The following TESK2 variants were observed in gnomAD, a reference collection of about 807,000 sequenced individuals.
The protein encoded by TESK2 is testis associated actin remodelling kinase 2.
In TESK2, 39 loss-of-function variants were observed where a neutral mutation model predicts 57.1. The ratio of observed to expected loss-of-function variants is 0.68; its 90% CI spans 0.53 to 0.89. The LOEUF (loss-of-function observed/expected upper bound fraction) is 0.89, where lower values mean the gene tolerates loss of function less well. Among genes scored for constraint, TESK2 ranks in the 40% least tolerant of loss-of-function variants. The pLI is 0.00. For synonymous variants in TESK2, 249 were observed against 267.9 expected, an observed-to-expected ratio of 0.93 and a Z score of 0.69; for missense variants, 646 against 732.1, an observed-to-expected ratio of 0.88 and a Z score of 1.36.
At chr1:45,368,963 C>G (rs1231055150) in intron 4 of TESK2, among the ~76,000 whole-genome samples, 1 of 151,722 alleles carries the variant, frequency 6.6e-6, no homozygotes, top group Non-Finnish European at 1.5e-5. Context: ...CCATGTTGGT[C>G]AGGCTGGTCT....
chr1:45,429,324 A>T (rs1650852068), intron 2 of TESK2, among the ~76,000 whole-genome samples: 1 of 152,016 alleles, frequency 6.6e-6, no homozygotes, highest in South Asian at 2.1e-4. Context: ...TGAACCCGAG[A>T]GGCAGAGGTT....
chr1:45,346,811 A>C (rs1333749517), intron 8 of TESK2, 32 bp from the exon 9 acceptor site: 8 of 1,599,190 alleles, frequency 5.0e-6, no homozygotes, highest in East Asian at 2.2e-5. Flanking sequence ...ATAGGTAGAC[A>C]GTTCATTAAT....
At chr1:45,393,525 G>A (rs1030825754) in intron 3 of TESK2, among the ~76,000 whole-genome samples, 5 of 151,986 alleles carry the variant, frequency 3.3e-5, no homozygotes, top group African/African-American at 1.2e-4. Context: ...GGAGGATCAC[G>A]AGGTCAAGAG....
At position 45,369,873 on chromosome 1, in the gene TESK2, A is replaced by C. The variant is rs181319038; in HGVS notation, c.394-14424T>G. Among the ~76,000 whole-genome samples, 7 of 152,152 alleles carry C rather than the reference A, an allele frequency of 4.6e-5. No individual in the cohort carries two copies. The East Asian group carries it at 1.4e-3, about 29-fold the overall frequency. On this transcript the variant is annotated intron_variant, in intron 4 of 10. Transcript: ENST00000372086. ...ATTAAAGGTGCGCACCATCACACCC[A>C]GCTAATTTTTGTATTTTTAGTAGAG... is the stretch of plus-strand genomic sequence containing the variant.
intron 3 of TESK2, among the ~76,000 whole-genome samples, chr1:45,412,251 A>G (rs968574651): frequency 4.6e-5 from 7 of 152,250 alleles, no homozygotes; most frequent in African/African-American, 1.4e-4. Context: ...AGAGACAGGG[A>G]AAATAATTCA....
At chr1:45,475,785 G>A (rs1333323023) in intron 1 of TESK2, among the ~76,000 whole-genome samples, 3 of 152,160 alleles carry the variant, frequency 2.0e-5, no homozygotes, top group Non-Finnish European at 2.9e-5. Flanking sequence ...CTAGAATAAA[G>A]CAGGCAGAAG....
intron 2 of TESK2, among the ~76,000 whole-genome samples, chr1:45,432,063 T>C (rs757635003): frequency 1.3e-5 from 2 of 151,998 alleles, no homozygotes; most frequent in Middle Eastern, 3.4e-3. Context: ...CTGGGAAACA[T>C]GGTGAAACCC....
At chr1:45,439,950 C>G (rs1444231348) in intron 2 of TESK2, among the ~76,000 whole-genome samples, 3 of 150,892 alleles carry the variant, frequency 2.0e-5, no homozygotes, top group Non-Finnish European at 4.4e-5. Context: ...AAAGCAAGCG[C>G]CCCCCCACTG....
intron 3 of TESK2, among the ~76,000 whole-genome samples, chr1:45,418,027 T>G (rs1167107849): frequency 6.6e-6 from 1 of 152,160 alleles, no homozygotes; most frequent in Non-Finnish European, 1.5e-5. Context: ...CTAGTTCAGT[T>G]CACAGTGAAG....
At chr1:45,377,899 G>A (rs954837842) in intron 4 of TESK2, among the ~76,000 whole-genome samples, 6 of 151,866 alleles carry the variant, frequency 4.0e-5, no homozygotes, top group South Asian at 2.1e-4. Flanking sequence ...GGTGGTGTGC[G>A]CCTGTAGTCC....
intron 3 of TESK2, among the ~76,000 whole-genome samples, chr1:45,393,460 C>T (rs1649227614): frequency 6.6e-6 from 1 of 152,022 alleles, no homozygotes; most frequent in Non-Finnish European, 1.5e-5. Context: ...GGAAAAAGAG[C>T]GGCCGGGCAT....
intron 3 of TESK2, among the ~76,000 whole-genome samples, chr1:45,416,113 G>A (rs1384683910): frequency 9.7e-6 from 1 of 102,760 alleles, no homozygotes; most frequent in Admixed American, 1.6e-4. Context: ...GACAAGCTCT[G>A]GCTGTATCAC....
chr1:45,347,549 C>A, intron 7 of TESK2, 60 bp downstream of exon 7: 1 of 1,489,602 alleles, frequency 6.7e-7, no homozygotes, highest in South Asian at 1.2e-5. Context: ...ATAGTGAGAC[C>A]ATCTCAAAAA....
At chr1:45,398,528 CAG>C (rs1649454629) in intron 3 of TESK2, among the ~76,000 whole-genome samples, 1 of 152,086 alleles carries the variant, frequency 6.6e-6, no homozygotes, top group East Asian at 1.9e-4. Context: ...GCCTGGGTGA[CAG>C]AGCAAGCCTC....
chr1:45,453,915 A>G (rs1029599187), intron 2 of TESK2, among the ~76,000 whole-genome samples: 4 of 152,204 alleles, frequency 2.6e-5, no homozygotes, highest in Non-Finnish European at 5.9e-5. Flanking sequence ...GTACATGAAA[A>G]GATGCTCAAT....
chr1:45,454,985 G>C (rs771454544), intron 2 of TESK2, among the ~76,000 whole-genome samples: 12 of 152,258 alleles, frequency 7.9e-5, no homozygotes, highest in Admixed American at 6.5e-4. Flanking sequence ...TAGTGGGTGG[G>C]AGTGAAACTG....
intron 5 of TESK2, among the ~76,000 whole-genome samples, chr1:45,351,669 A>G (rs1331565405): frequency 2.0e-5 from 3 of 152,244 alleles, no homozygotes; most frequent in African/African-American, 7.2e-5. Flanking sequence ...AGTCAAGGAC[A>G]GCATCTGTTT....
chr1:45,471,754 G>A (rs1652772271), intron 1 of TESK2, among the ~76,000 whole-genome samples: 1 of 151,518 alleles, frequency 6.6e-6, no homozygotes, highest in Admixed American at 6.6e-5. Flanking sequence ...TTAAGGTACT[G>A]GCAGTGAGGA....
At chr1:45,456,107 C>G (rs1652077530) in intron 2 of TESK2, among the ~76,000 whole-genome samples, 1 of 151,946 alleles carries the variant, frequency 6.6e-6, no homozygotes, top group African/African-American at 2.4e-5. Flanking sequence ...GTGGGGGGAT[C>G]ATCTGAGTCC....
Sources: allele counts gnomAD v4.1 joint callset (sites outside exome capture counted in the v4.1 genomes callset), GRCh38; gene constraint gnomAD v4.1.1; transcripts MANE v1.5; gene names NCBI Gene and HGNC (gene_info 2026-07-23, HGNC 2026-07-21).